The following ASXL2 variants were observed in gnomAD, a reference collection of about 807,000 sequenced individuals.
The protein encoded by ASXL2 is ASXL transcriptional regulator 2.
In ASXL2, 23 loss-of-function variants were observed where a neutral mutation model predicts 122.0. That is an observed-to-expected ratio of 0.19 (90% CI 0.14 to 0.27). ASXL2 has a LOEUF of 0.27. ASXL2 is among the 10% of genes least tolerant of loss of function. ASXL2 has a pLI of 1.00. For synonymous variants in ASXL2, 650 were observed against 637.0 expected (o/e 1.02, Z -0.31); for missense variants, 1,518 against 1,713.8 (o/e 0.89, Z 2.02).
intron 5 of ASXL2, among the ~76,000 whole-genome samples, chr2:25,772,551 G>C (rs929590324): frequency 6.6e-6 from 1 of 151,936 alleles, no homozygotes; most frequent in Non-Finnish European, 1.5e-5. Flanking sequence ...GACCAACATG[G>C]AGAAACCCTA....
At chr2:25,804,270 C>T (rs530598063) in intron 4 of ASXL2, among the ~76,000 whole-genome samples, 45 of 152,308 alleles carry the variant, frequency 3.0e-4, no homozygotes, top group African/African-American at 1.1e-3. Context: ...TCACTGCCTA[C>T]CAAGCATTCA....
intron 1 of ASXL2, among the ~76,000 whole-genome samples, chr2:25,863,595 A>G (rs756346788): frequency 2.0e-5 from 3 of 151,822 alleles, no homozygotes; most frequent in Non-Finnish European, 4.4e-5. Flanking sequence ...CGGGAGGCTA[A>G]GGCAGGAGAA....
At position 25,742,720 on chromosome 2, in the gene ASXL2, C is replaced by T; in HGVS notation, c.3617G>A (p.Gly1206Asp). ...KEEPQVSQSA[G>D]KGDTSSGPHS... is the part of the protein sequence containing the mutation. ...AGGTCCTGAACTTGTGTCACCCTTG[C>T]CAGCACTCTGGGAAACCTGGGGCTC... Residue 1206 changes from glycine (G) to aspartate (D), a missense_variant, in exon 13 of 13, where the codon GGC becomes GAC. This residue lies in a region of ASXL2 where 831 missense variants were observed against 833.1 expected (regional missense o/e 1.00). Coordinates refer to ENST00000435504, the MANE Select transcript of ASXL2 (RefSeq NM_018263.6). The T allele has an allele frequency of 1.2e-6, 2 of 1,613,956 alleles. No individual in the cohort carries two copies. Among genetic ancestry groups the T allele is most frequent in the Non-Finnish European group, 1.7e-6 (2 of 1,179,888 alleles).
intron 8 of ASXL2, 90 bp downstream of exon 8, chr2:25,767,493 T>G (rs981773574): frequency 5.3e-5 from 73 of 1,386,558 alleles, no homozygotes; most frequent in Middle Eastern, 4.2e-4. Flanking sequence ...ATCTAAGTTA[T>G]AAGTACCTAA....
At position 25,759,806 on chromosome 2, in the gene ASXL2, TAACAA is replaced by T. The variant is rs564062283; in HGVS notation, c.776-166_776-162del. 3.1e-3 allele frequency among the ~76,000 whole-genome samples: 468 copies of T among 152,310 alleles called. 1 individual carries two copies. The highest frequency in any genetic ancestry group is 5.4e-3 in the Admixed American group (82 of 15,306). ...AGATCTTAGAATTTTCTTCTAAGACTAACAAAACAAGTTTTGTTCATTTATAGAGG... is the reference window on the plus strand; with the variant it reads ...AGATCTTAGAATTTTCTTCTAAGACTAACAAGTTTTGTTCATTTATAGAGG... On this transcript the variant is annotated intron_variant, in intron 8 of 12. Transcript: ENST00000435504.
intron 3 of ASXL2, among the ~76,000 whole-genome samples, chr2:25,821,511 C>A (rs1041261685): frequency 1.3e-5 from 2 of 152,122 alleles, no homozygotes; most frequent in Non-Finnish European, 2.9e-5. Flanking sequence ...CGCCTATAAT[C>A]CCAGCACTTT....
intron 3 of ASXL2, among the ~76,000 whole-genome samples, chr2:25,811,209 C>T (rs2089165844): frequency 6.6e-6 from 1 of 151,806 alleles, no homozygotes; most frequent in Non-Finnish European, 1.5e-5. Context: ...GCCATGATCA[C>T]ACCACTGCAC....
chr2:25,836,441 A>G (rs1202040349), intron 2 of ASXL2, among the ~76,000 whole-genome samples: 1 of 152,198 alleles, frequency 6.6e-6, no homozygotes. Context: ...GAGAATATTG[A>G]CTTTATTTCC....
intron 3 of ASXL2, among the ~76,000 whole-genome samples, chr2:25,833,110 G>T (rs1186802456): frequency 1.3e-5 from 2 of 152,106 alleles, no homozygotes; most frequent in African/African-American, 2.4e-5. Context: ...CTTGTGTGGT[G>T]GTAGGTACAT....
At chr2:25,835,303 G>A (rs944762384) in intron 3 of ASXL2, among the ~76,000 whole-genome samples, 48 of 152,142 alleles carry the variant, frequency 3.2e-4, no homozygotes, top group African/African-American at 9.9e-4. Context: ...AAACCTTAAT[G>A]TAGATCGGAT....
chr2:25,761,538 T>C (rs991031461), intron 8 of ASXL2, among the ~76,000 whole-genome samples: 2 of 151,838 alleles, frequency 1.3e-5, no homozygotes, highest in African/African-American at 4.8e-5. Flanking sequence ...CCGGGCTTGG[T>C]GGTGCGCGCC....
At chr2:25,870,073 G>A (rs897819151) in intron 1 of ASXL2, among the ~76,000 whole-genome samples, 1 of 152,034 alleles carries the variant, frequency 6.6e-6, no homozygotes, top group African/African-American at 2.4e-5. Flanking sequence ...GATGAAAGAA[G>A]CATTCGTTAA....
At chr2:25,795,646 AG>A (rs2088900210) in intron 5 of ASXL2, among the ~76,000 whole-genome samples, 2 of 152,354 alleles carry the variant, frequency 1.3e-5, no homozygotes, top group South Asian at 4.1e-4. Flanking sequence ...AATCCCATCC[AG>A]AAAACATGAA....
chr2:25,736,586 C>G lies in ASXL2; in HGVS notation c.*5443G>C, dbSNP rs2087739064. 6.6e-6 allele frequency: 1 copy of G among 151,408 alleles called. No individual in the cohort carries two copies. The highest frequency in any genetic ancestry group is 1.5e-5 in the Non-Finnish European group (1 of 67,940). The allele number at this position is 151,408 out of a possible 1,614,324, so 9.4% of individuals were successfully genotyped here. On this transcript the variant is annotated 3_prime_UTR_variant, in exon 13 of 13. Coordinates refer to ENST00000435504, the MANE Select transcript of ASXL2 (RefSeq NM_018263.6). ...TTATCTCCAACGTCTTGGGACAACC[C>G]AGATACTTGACATTCCAGTATCTGA...
intron 1 of ASXL2, among the ~76,000 whole-genome samples, chr2:25,876,909 T>C (rs1001119532): frequency 2.6e-5 from 4 of 152,150 alleles, no homozygotes; most frequent in African/African-American, 7.2e-5. Context: ...TAGAAACAAA[T>C]GCACAAGACT....
intron 1 of ASXL2, among the ~76,000 whole-genome samples, chr2:25,847,163 G>A (rs1028186447): frequency 5.3e-5 from 8 of 152,092 alleles, no homozygotes; most frequent in African/African-American, 1.9e-4. Context: ...TCCAAGTCTT[G>A]CACCACTATA....
In ASXL2 at chr2:25,756,010, G is replaced by A. The variant is rs1307615730; in HGVS notation, c.1036+8C>T. 1 of 1,608,366 alleles carries A rather than the reference G, an allele frequency of 6.2e-7. No homozygotes were observed. The highest frequency in any genetic ancestry group is 8.5e-7 in the Non-Finnish European group (1 of 1,174,856). ...CCACCTGGGAGACACATTAAGTAGA[G>A]CACTTACCTTCTGAGAGTCTTTCCT... On this transcript the variant is annotated splice_region_variant and intron_variant, in intron 10 of 12. Transcript: ENST00000435504.
chr2:25,820,890 G>C (rs2089299644), intron 3 of ASXL2, among the ~76,000 whole-genome samples: 1 of 152,150 alleles, frequency 6.6e-6, no homozygotes, highest in Non-Finnish European at 1.5e-5. Flanking sequence ...AATCAGGCCA[G>C]GCGCGGTGGC....
rs1304215792 is a variant in ASXL2, at chr2:25,741,379, G to C, written c.*650C>G. 3 of 223,714 alleles carry C rather than the reference G, an allele frequency of 1.3e-5. No individual in the cohort carries two copies. The highest frequency in any genetic ancestry group is 2.2e-5 in the African/African-American group (1 of 44,746). 13.9% of individuals were successfully genotyped at this position (223,714 alleles called of 1,614,324 possible). On this transcript the variant is annotated 3_prime_UTR_variant, in exon 13 of 13. Transcript: ENST00000435504. Reference sequence around the variant, plus strand: ...CAACAGTACCAGTAACTAGTAACTAGTACAGTAGAAGCCAAGAACCAAGTC... The same window carrying C: ...CAACAGTACCAGTAACTAGTAACTACTACAGTAGAAGCCAAGAACCAAGTC...
Sources: allele counts gnomAD v4.1 joint callset (sites outside exome capture counted in the v4.1 genomes callset), GRCh38; gene constraint gnomAD v4.1.1; regional missense constraint gnomAD v4.1.1; transcripts MANE v1.5; gene names NCBI Gene and HGNC (gene_info 2026-07-23, HGNC 2026-07-21).